DOP1B: variants seen among roughly 807,000 people sequenced by gnomAD.
DOP1B encodes the protein protein DOP1B.
A neutral mutation model predicts 233.5 loss-of-function variants in DOP1B; 174 were observed. The ratio of observed to expected loss-of-function variants is 0.75; its 90% confidence interval spans 0.66 to 0.85. The LOEUF is 0.85. Among genes scored for constraint, DOP1B ranks in the 40% least tolerant of loss-of-function variants. DOP1B has a pLI of 0.00. For synonymous variants in DOP1B, 1,190 were observed against 1,185.6 expected, an observed-to-expected ratio of 1.00 and a Z score of -0.08; for missense variants, 2,652 against 2,846.6, an observed-to-expected ratio of 0.93 and a Z score of 1.56.
chr21:36,195,273 G>A (rs1017854370), intron 2 of DOP1B, among the ~76,000 whole-genome samples: 1 of 150,932 alleles, frequency 6.6e-6, no homozygotes, highest in Non-Finnish European at 1.5e-5. Flanking sequence ...CCTGGGAGGT[G>A]GAGGTTGCAG....
intron 19 of DOP1B, among the ~76,000 whole-genome samples, 200 bp from the exon 20 acceptor site, chr21:36,247,317 A>G (rs1196263104): frequency 6.6e-6 from 1 of 152,190 alleles, no homozygotes; most frequent in Admixed American, 6.6e-5. Context: ...CATTGAAACC[A>G]TTTTTCCAAA....
rs779429947 is a variant in DOP1B, at chr21:36,288,673, C to T, written c.6298-83C>T. ...CTTATTCATTCATTCATAAATTAAT[C>T]GATTTTTAAAAATAAGTAAAAAAAA... On this transcript the variant is annotated intron_variant, in intron 33 of 36. Transcript: ENST00000691173. The T allele has an allele frequency of 4.8e-6, 5 of 1,036,920 alleles. No individual in the cohort carries two copies. The African/African-American group carries it at 4.9e-5, about 10-fold the overall frequency. The allele number at this position is 1,036,920 out of a possible 1,614,324, so 64.2% of individuals were successfully genotyped here.
chr21:36,169,399 A>G (rs925905359), intron 2 of DOP1B: 84 of 877,990 alleles, frequency 9.6e-5, no homozygotes, highest in Non-Finnish European at 1.5e-4. Context: ...AGAAGGCCAC[A>G]TGGTCAGGAT....
At position 36,232,971 on chromosome 21, in the gene DOP1B, A is replaced by C. The variant is rs751128648; in HGVS notation, c.2518A>C (p.Ser840Arg). 2.5e-6 allele frequency: 4 copies of C among 1,613,918 alleles called. No homozygotes were observed. In the African/African-American group the frequency reaches 5.3e-5, roughly 22 times the overall value. Residue 840 changes from serine to arginine, a missense_variant, in exon 15 of 37, where the codon AGC (serine) becomes CGC (arginine). Ser to Arg is a moderately radical substitution (Grantham distance 110, BLOSUM62 -1). Around this residue, in one of 3 missense-constraint regions of DOP1B, gnomAD observed 2,617 missense variants for 2,794.3 expected, o/e 0.94. Coordinates refer to ENST00000691173, the MANE Select transcript of DOP1B (RefSeq NM_001320714.2). ...TGAAGACAAGATGAAACGCTATAAG[A>C]GCTCTGGACACAACCCTTTTTTTGG... Reference protein sequence around the residue: ...VIEDKMKRYKSSGHNPFFGKL... With the variant: ...VIEDKMKRYKRSGHNPFFGKL...
intron 4 of DOP1B, 112 bp downstream of exon 4, chr21:36,200,613 G>T: frequency 7.6e-7 from 1 of 1,320,240 alleles, no homozygotes; most frequent in Non-Finnish European, 1.0e-6. Context: ...GAAGGCCAAG[G>T]TGGGTGGATC....
Position 36,214,513 on chromosome 21 carries a change from G to A in DOP1B, c.1086G>A (p.Lys362=), listed in dbSNP as rs1408295114. 6.2e-7 allele frequency: 1 copy of A among 1,613,996 alleles called. No individual in the cohort carries two copies. The highest frequency in any genetic ancestry group is 8.5e-7 in the Non-Finnish European group (1 of 1,180,016). Residue 362 remains lysine (K), a synonymous_variant, in exon 9 of 37, where the codon AAG becomes AAA. Transcript: ENST00000691173. ...DVEERHHAYL[K]PFRVLISLLD... The stretch of plus-strand genomic sequence containing the variant: ...AGGAACGCCATCATGCATACCTGAA[G>A]CCTTTTCGCGTCCTCATCAGTCTGC...
chr21:36,235,600 C>T (rs2066815967), intron 15 of DOP1B, among the ~76,000 whole-genome samples: 1 of 151,922 alleles, frequency 6.6e-6, no homozygotes, highest in Non-Finnish European at 1.5e-5. Flanking sequence ...TGGTGGCACA[C>T]ACCTGTAGTC....
At chr21:36,261,943 T>A (rs1329827913) in intron 24 of DOP1B, 8 of 983,378 alleles carry the variant, frequency 8.1e-6, no homozygotes, top group Non-Finnish European at 9.7e-6. Flanking sequence ...GGGAAGGGTA[T>A]AGACCACTTC....
At chr21:36,254,769 G>A (rs2067073508) in intron 23 of DOP1B, among the ~76,000 whole-genome samples, 2 of 151,842 alleles carry the variant, frequency 1.3e-5, no homozygotes, top group South Asian at 4.2e-4. Context: ...GCAACCTTGA[G>A]CTTTCTCGGA....
At chr21:36,288,181 A>G (rs1031485441) in intron 33 of DOP1B, 31 bp downstream of exon 33, 2 of 1,583,054 alleles carry the variant, frequency 1.3e-6, no homozygotes, top group African/African-American at 2.7e-5. Context: ...TTTGAAAGCA[A>G]GGTTGGAGCT....
chr21:36,172,979 G>A (rs1438238777), intron 2 of DOP1B, among the ~76,000 whole-genome samples: 2 of 152,064 alleles, frequency 1.3e-5, no homozygotes, highest in African/African-American at 2.4e-5. Context: ...AATTAGCCAG[G>A]CATCGTGGCG....
Position 36,245,236 on chromosome 21 carries a change from G to A in DOP1B, c.3256G>A (p.Glu1086Lys), listed in dbSNP as rs146155717. The A allele has an allele frequency of 2.1e-5, 34 of 1,614,010 alleles. No individual in the cohort carries two copies. The African/African-American group carries it at 3.2e-4, about 15-fold the overall frequency. Residue 1086 changes from glutamate to lysine, a missense_variant, in exon 19 of 37, where the codon GAG becomes AAG. Around this residue, in one of 3 missense-constraint regions of DOP1B, gnomAD observed 2,617 missense variants for 2,794.3 expected, o/e 0.94. Transcript: ENST00000691173. This position sits in a 1 kb window ranked among gnomAD's most constrained non-coding sequence, Gnocchi z 5.5. ...EKYPLRGELS[E>K]EELPYYVELP... is the part of the protein sequence containing the mutation. Reference sequence around the variant, plus strand: ...GTACCCGCTGCGAGGCGAGCTGAGCGAGGAAGAGCTGCCCTACTACGTGGA... The same window carrying A: ...GTACCCGCTGCGAGGCGAGCTGAGCAAGGAAGAGCTGCCCTACTACGTGGA...
chr21:36,254,866 C>T (rs1008549796), intron 23 of DOP1B, among the ~76,000 whole-genome samples: 1 of 151,466 alleles, frequency 6.6e-6, no homozygotes, highest in African/African-American at 2.4e-5. Context: ...AATCATTTGT[C>T]AAGCAGAGGG....
Position 36,233,032 on chromosome 21 carries a change from C to T in DOP1B, c.2579C>T (p.Pro860Leu). ...ATGGTGACGGTTCCTCCCATTGCTC[C>T]AGGGATATTGAAAGTCATTGCAGAG... The part of the protein sequence containing the change: ...LQMVTVPPIA[P>L]GILKVIAEKT... The change falls in exon 15 of 37, where the codon CCA becomes CTA. Residue 860 changes from proline (P) to leucine (L), a missense_variant. Around this residue, in one of 3 missense-constraint regions of DOP1B, gnomAD observed 2,617 missense variants for 2,794.3 expected, o/e 0.94. Coordinates refer to ENST00000691173, the MANE Select transcript of DOP1B (RefSeq NM_001320714.2). The T allele has an allele frequency of 6.2e-7, 1 of 1,614,070 alleles. No individual in the cohort carries two copies. Among genetic ancestry groups the T allele is most frequent in the Non-Finnish European group, 8.5e-7 (1 of 1,179,994 alleles).
intron 2 of DOP1B, chr21:36,169,823 TAG>T (rs1476724478): frequency 1.9e-6 from 2 of 1,034,942 alleles, no homozygotes; most frequent in Non-Finnish European, 3.1e-6. Context: ...TGCCGGTTGT[TAG>T]AGAAACACCT....
Position 36,263,829 on chromosome 21 carries a change from G to A in DOP1B, c.5487+15G>A. 1 of 1,613,724 alleles carries A rather than the reference G, an allele frequency of 6.2e-7. No individual in the cohort carries two copies. The highest frequency in any genetic ancestry group is 8.5e-7 in the Non-Finnish European group (1 of 1,179,700). On this transcript the variant is annotated intron_variant, in intron 26 of 36. Coordinates refer to ENST00000691173, the MANE Select transcript of DOP1B (RefSeq NM_001320714.2). ...AAGACCTGCAGGTTTGTATATGAAA[G>A]AGGTTCAGCCAAATGATATTACCCC...
chr21:36,240,438 C>T (rs1057012499), intron 18 of DOP1B, among the ~76,000 whole-genome samples: 3 of 152,156 alleles, frequency 2.0e-5, no homozygotes, highest in Admixed American at 6.6e-5. Flanking sequence ...TGAGATGGTG[C>T]CACTGCACTC....
Position 36,211,760 on chromosome 21 carries a change from A to G in DOP1B, c.780+109A>G, listed in dbSNP as rs917130913. On this transcript the variant is annotated intron_variant, in intron 6 of 36. Transcript: ENST00000691173. ...GACAGCTCAGCCACTCATGGGCATT[A>G]TTTGCTGGTAGCCAGTGAAAAGTCC... 2.3e-6 allele frequency: 3 copies of G among 1,331,464 alleles called. No homozygotes were observed. The African/African-American group carries it at 4.4e-5, about 19-fold the overall frequency. The allele number at this position is 1,331,464 out of a possible 1,614,324, so 82.5% of individuals were successfully genotyped here.
intron 1 of DOP1B, among the ~76,000 whole-genome samples, chr21:36,160,207 A>G (rs1568991237): frequency 6.6e-6 from 1 of 152,168 alleles, no homozygotes; most frequent in African/African-American, 2.4e-5. Context: ...AAAGGAACAA[A>G]CTACCAGCTC....
Sources: allele counts gnomAD v4.1 joint callset (sites outside exome capture counted in the v4.1 genomes callset), GRCh38; gene constraint gnomAD v4.1.1; regional missense constraint gnomAD v4.1.1; non-coding constraint Gnocchi (gnomAD v3.1); transcripts MANE v1.5; gene names NCBI Gene and HGNC (gene_info 2026-07-23, HGNC 2026-07-21).